Variants in KLHL35 observed in about 807,000 individuals in gnomAD.
KLHL35 encodes the protein kelch-like protein 35.
KLHL35 carries 50 observed loss-of-function variants against 44.0 expected under a neutral mutation model. The ratio of observed to expected loss-of-function variants is 1.14; its 90% CI spans 0.91 to 1.44. The LOEUF is 1.44. Ranked by LOEUF, KLHL35 falls within the 40% of genes most tolerant of loss-of-function variation. The pLI, the probability that KLHL35 is intolerant of heterozygous loss-of-function variation, is 0.00. For missense variants in KLHL35, 1,049 were observed against 887.8 expected, an observed-to-expected ratio of 1.18 and a Z score of -2.31; for synonymous variants, 470 against 410.4, an observed-to-expected ratio of 1.15 and a Z score of -1.76.
intron 1 of KLHL35, among the ~76,000 whole-genome samples, chr11:75,431,349 CCAGGCA>C (rs1434436131): frequency 1.3e-5 from 2 of 152,224 alleles, no homozygotes; most frequent in African/African-American, 4.8e-5. Context: ...CCTTTCTGTG[CCAGGCA>C]GTGAGCAAGA....
rs557930498 is a variant in KLHL35 at position 75,433,189 on chromosome 11, C to G, written c.-148G>C. On this transcript the variant is annotated 5_prime_UTR_variant, in exon 1 of 7. Transcript: ENST00000539798. ...CTCCCGTTTGCTGTTCGCTCGGGCT[C>G]AGCTGCGGGAGGACAAAGGGGCTGG... is the stretch of plus-strand genomic sequence containing the variant. Among the ~76,000 whole-genome samples the G allele has an allele frequency of 3.9e-5, 6 of 152,234 alleles. No individual in the cohort carries two copies. In the East Asian group the frequency reaches 9.7e-4, roughly 25 times the overall value.
Position 75,430,623 on chromosome 11 carries a change from G to A in KLHL35, c.7C>T (p.Gln3Ter), listed in dbSNP as rs538741110. Residue 3 changes from glutamine to a stop codon, truncating the protein, a stop_gained, in exon 2 of 7, where the codon CAA (glutamine) becomes TAA (stop). Coordinates refer to ENST00000539798, the MANE Select transcript of KLHL35 (RefSeq NM_001039548.3). LOFTEE classifies it high-confidence loss of function. ...TCCGACTCCTCCGGCGCATGGCCTT[G>A]CCGCATCCTGCCGGGGAGAGAACAC... MR[Q>*]GHAPEESEPG... 1.5e-3 allele frequency: 2,079 copies of A among 1,383,716 alleles called. 4 individuals carry two copies. The highest frequency in any genetic ancestry group is 1.8e-3 in the Non-Finnish European group (1,892 of 1,072,840). The allele number at this position is 1,383,716 out of a possible 1,614,324, so 85.7% of individuals were successfully genotyped here.
chr11:75,430,482 G>A lies in KLHL35; in HGVS notation c.148C>T (p.Arg50Cys). The change falls in exon 2 of 7, where the codon CGC becomes TGC. Residue 50 changes from arginine (R) to cysteine (C), a missense_variant. Arg to Cys is a radical substitution (Grantham distance 180). Coordinates refer to ENST00000539798, the MANE Select transcript of KLHL35 (RefSeq NM_001039548.3). The stretch of plus-strand genomic sequence containing the variant: ...GCCGCGCGGTGGCACGGAAAGTCGC[G>A]CCCGCCGGCGCGCAGCACCACGTCG... ...LTDVVLRAGGRDFPCHRAALS... is the reference protein window; with the variant it reads ...LTDVVLRAGGCDFPCHRAALS... 1 of 1,403,814 alleles carries A rather than the reference G, an allele frequency of 7.1e-7. No homozygotes were observed. Among genetic ancestry groups the A allele is most frequent in the African/African-American group, 1.5e-5 (1 of 66,162 alleles). 87.0% of individuals were successfully genotyped at this position (1,403,814 alleles called of 1,614,324 possible).
Position 75,425,483 on chromosome 11 carries a change from CG to C in KLHL35, c.1283del (p.Pro428ArgfsTer4), listed in dbSNP as rs1479900912. ...CCACCGCCGCCGAGCTCACGGCCTC[CG>C]GGAGGGGCGCGGCGGCCGCCCAGGT... The part of the protein sequence containing the change: ...SNTWAAAAPL[P>X]EAVSSAAVAS... On this transcript the variant is annotated frameshift_variant, in exon 5 of 7. Coordinates refer to ENST00000539798, the MANE Select transcript of KLHL35 (RefSeq NM_001039548.3). LOFTEE classifies it high-confidence loss of function. 6.4e-7 allele frequency: 1 copy of C among 1,568,876 alleles called. No individual in the cohort carries two copies. The highest frequency in any genetic ancestry group is 8.6e-7 in the Non-Finnish European group (1 of 1,163,600).
In KLHL35 at chr11:75,427,354, G is replaced by A. The variant is rs1406143543; in HGVS notation, c.1067-716C>T. 2.0e-5 allele frequency among the ~76,000 whole-genome samples: 3 copies of A among 152,166 alleles called. No individual in the cohort carries two copies. The East Asian group carries it at 5.8e-4, about 29-fold the overall frequency. On this transcript the variant is annotated intron_variant, in intron 3 of 6. Coordinates refer to ENST00000539798, the MANE Select transcript of KLHL35 (RefSeq NM_001039548.3). ...TCCCTTCCCATGTCTGGCCACCCTG[G>A]GGATCTTGGCCAGGGATTCACCTCT...
Position 75,425,528 on chromosome 11 carries a change from G to A in KLHL35, c.1239C>T (p.Arg413=), listed in dbSNP as rs1324151417. 6.5e-7 allele frequency: 1 copy of A among 1,544,560 alleles called. No individual in the cohort carries two copies. Among genetic ancestry groups the A allele is most frequent in the Non-Finnish European group, 8.7e-7 (1 of 1,154,618 alleles). ...CCCAGGTGTTGGAGAAGGGGTCGTA[G>A]CGCTCCACGCTGTGCAGGCGCCTCA... is the stretch of plus-strand genomic sequence containing the variant. ...DGLRRLHSVE[R]YDPFSNTWAA... is the part of the protein sequence containing the mutation. The change falls in exon 5 of 7, where the codon CGC becomes CGT. Residue 413 remains arginine (R), a synonymous_variant. Coordinates refer to ENST00000539798, the MANE Select transcript of KLHL35 (RefSeq NM_001039548.3).
rs1240769492 is a variant in KLHL35 at position 75,430,530 on chromosome 11, A to G, written c.100T>C (p.Tyr34His). 2 of 1,450,648 alleles carry G rather than the reference A, an allele frequency of 1.4e-6. No homozygotes were observed. Among genetic ancestry groups the G allele is most frequent in the Non-Finnish European group, 1.8e-6 (2 of 1,106,320 alleles). The allele number at this position is 1,450,648 out of a possible 1,614,324, so 89.9% of individuals were successfully genotyped here. Reference protein sequence around the residue: ...AQRVLQALNAYRRSGTLTDVV... With the variant: ...AQRVLQALNAHRRSGTLTDVV... ...TCGGTGAGGGTGCCGCTCCGCCGGT[A>G]GGCGTTCAGGGCCTGCAGCACGCGC... The change falls in exon 2 of 7, where the codon TAC (tyrosine) becomes CAC (histidine). Residue 34 changes from tyrosine (Y) to histidine (H), a missense_variant. Tyr to His is a moderately conservative substitution (Grantham distance 83). Transcript: ENST00000539798.
At chr11:75,424,199 AAC>A (rs151153262) in intron 5 of KLHL35, 749 of 299,250 alleles carry the variant, frequency 2.5e-3, no homozygotes, top group South Asian at 3.8e-3. Context: ...CTCACCCCTC[AAC>A]ACACACACAC....
At chr11:75,426,947 G>A (rs973924592) in intron 3 of KLHL35, 14 of 254,750 alleles carry the variant, frequency 5.5e-5, no homozygotes, top group African/African-American at 2.0e-4. Context: ...GCAAAGAGGG[G>A]GCCGCTGTAC....
intron 5 of KLHL35, 60 bp from the exon 6 acceptor site, chr11:75,423,940 G>A (rs748040771): frequency 6.8e-6 from 9 of 1,317,250 alleles, no homozygotes; most frequent in Middle Eastern, 2.6e-4. Context: ...ATGCCCCACC[G>A]CCCACATGCT....
chr11:75,432,439 G>T (rs1277071329), intron 1 of KLHL35, among the ~76,000 whole-genome samples: 1 of 152,200 alleles, frequency 6.6e-6, no homozygotes, highest in African/African-American at 2.4e-5. Context: ...TGTGTCCCAA[G>T]GAGCAGCCAG....
In KLHL35 at chr11:75,429,831, C is replaced by G. The variant is rs944197782; in HGVS notation, c.799G>C (p.Glu267Gln). 66 of 1,510,802 alleles carry G rather than the reference C, an allele frequency of 4.4e-5. No individual in the cohort carries two copies. The highest frequency in any genetic ancestry group is 1.9e-4 in the Admixed American group (9 of 48,154). The allele number at this position is 1,510,802 out of a possible 1,614,324, so 93.6% of individuals were successfully genotyped here. The change falls in exon 2 of 7, where the codon GAG becomes CAG. Residue 267 changes from glutamate to glutamine, a missense_variant. Physicochemically the swap from Glu to Gln is conservative, Grantham distance 29 (BLOSUM62 2). Coordinates refer to ENST00000539798, the MANE Select transcript of KLHL35 (RefSeq NM_001039548.3). ...EADELLQACG[E>Q]CRPLLLEARA... ...GCCTCGAGCAGCAGCGGGCGGCACT[C>G]GCCGCAGGCCTGCAGCAGCTCGTCC...
chr11:75,426,275 C>G (rs1367253568), intron 4 of KLHL35: 1 of 325,816 alleles, frequency 3.1e-6, no homozygotes, highest in Non-Finnish European at 5.7e-6. Flanking sequence ...TTGAGTGGCA[C>G]AGTCAAGATT....
chr11:75,425,119 T>C (rs1370219560), intron 5 of KLHL35, among the ~76,000 whole-genome samples: 2 of 152,150 alleles, frequency 1.3e-5, no homozygotes, highest in African/African-American at 4.8e-5. Context: ...AACAAAAGCA[T>C]TTTAACTATC....
intron 3 of KLHL35, among the ~76,000 whole-genome samples, chr11:75,427,074 CTCCCTCCCT>C: frequency 6.6e-6 from 1 of 152,310 alleles, no homozygotes; most frequent in East Asian, 1.9e-4. Flanking sequence ...CCCAATAACC[CTCCCTCCCT>C]TCTGCCTTCA....
Position 75,426,637 on chromosome 11 carries a change from T to C in KLHL35, c.1068A>G (p.Gly356=). Residue 356 remains glycine, a splice_region_variant and synonymous_variant, in exon 4 of 7, where the codon GGA becomes GGG. Coordinates refer to ENST00000539798, the MANE Select transcript of KLHL35 (RefSeq NM_001039548.3). The part of the protein sequence containing the change: ...CALRNDVYVS[G]GHINSHDVWM... ...ACACATCATGACTGTTGATGTGGCC[T>C]CCTAGGGAGAGAGAAGCAGCTGTTG... 1.9e-6 allele frequency: 3 copies of C among 1,581,002 alleles called. No homozygotes were observed. The highest frequency in any genetic ancestry group is 2.6e-6 in the Non-Finnish European group (3 of 1,163,212).
Position 75,430,466 on chromosome 11 carries a change from T to A in KLHL35, c.164A>T (p.His55Leu). The change falls in exon 2 of 7, where the codon CAC becomes CTC. Residue 55 changes from histidine (H) to leucine (L), a missense_variant. Coordinates refer to ENST00000539798, the MANE Select transcript of KLHL35 (RefSeq NM_001039548.3). Reference sequence around the variant, plus strand: ...GCTGCCCGCGCTGAGCGCCGCGCGGTGGCACGGAAAGTCGCGCCCGCCGGC... The same window carrying A: ...GCTGCCCGCGCTGAGCGCCGCGCGGAGGCACGGAAAGTCGCGCCCGCCGGC... The part of the protein sequence containing the change: ...LRAGGRDFPC[H>L]RAALSAGSAY... 7.2e-7 allele frequency: 1 copy of A among 1,396,238 alleles called. No individual in the cohort carries two copies. Among genetic ancestry groups the A allele is most frequent in the Non-Finnish European group, 9.3e-7 (1 of 1,079,334 alleles). 86.5% of individuals were successfully genotyped at this position (1,396,238 alleles called of 1,614,324 possible). A position where few individuals can be genotyped will look rare whatever the true frequency, so the allele number is the denominator to read the frequency against.
At chr11:75,431,963 C>T (rs1472909368) in intron 1 of KLHL35, among the ~76,000 whole-genome samples, 2 of 152,196 alleles carry the variant, frequency 1.3e-5, no homozygotes, top group South Asian at 4.1e-4. Context: ...TTTAGTTTGT[C>T]ATAAGGGAAA....
chr11:75,426,733 G>C, intron 3 of KLHL35, 95 bp from the exon 4 acceptor site: 8 of 778,832 alleles, frequency 1.0e-5, no homozygotes, highest in Non-Finnish European at 1.7e-5. Context: ...TCCAAAGGAA[G>C]GGTTAAGGGA....
Sources: allele counts gnomAD v4.1 joint callset (sites outside exome capture counted in the v4.1 genomes callset), GRCh38; gene constraint gnomAD v4.1.1; transcripts MANE v1.5; gene names NCBI Gene and HGNC (gene_info 2026-07-23, HGNC 2026-07-21).